SUZ12: variants seen among roughly 807,000 people sequenced by gnomAD.
SUZ12 encodes SUZ12 polycomb repressive complex 2 subunit.
A neutral mutation model predicts 87.3 loss-of-function variants in SUZ12; 17 were observed. That is an observed-to-expected ratio of 0.19 (90% CI 0.13 to 0.29). The LOEUF (loss-of-function observed/expected upper bound fraction) is 0.29, where lower values mean the gene tolerates loss of function less well. Ranked by LOEUF, SUZ12 falls within the 10% of genes least tolerant of loss-of-function variation. SUZ12 has a pLI of 1.00. For synonymous variants in SUZ12, 253 were observed against 312.4 expected (o/e 0.81, Z 2.01); for missense variants, 526 against 912.2 (o/e 0.58, Z 5.45).
Position 31,937,507 on chromosome 17 carries a change from C to T in SUZ12, c.261C>T (p.Leu87=), listed in dbSNP as rs1216434263. 9.1e-6 allele frequency: 14 copies of T among 1,540,526 alleles called. No homozygotes were observed. The East Asian group carries it at 3.2e-4, about 35-fold the overall frequency. Residue 87 remains leucine (L), a synonymous_variant, in exon 1 of 16, where the codon CTC becomes CTT. Coordinates refer to ENST00000322652, the MANE Select transcript of SUZ12 (RefSeq NM_015355.4). ...TCCAGGCTGACCACGAGCTTTTCCT[C>T]CAGGCCTTTGAGAGTGAGTGTGTGC... is the stretch of plus-strand genomic sequence containing the variant. ...EHVQADHELF[L]QAFEKPTQIY...
In SUZ12 at chr17:31,988,470, G is replaced by T; in HGVS notation, c.1174G>T (p.Gly392Cys). 1 of 1,604,942 alleles carries T rather than the reference G, an allele frequency of 6.2e-7. No individual in the cohort carries two copies. The highest frequency in any genetic ancestry group is 8.5e-7 in the Non-Finnish European group (1 of 1,177,626). ...SESLHQENKP[G>C]SVKPTQTIAV... ...GAGTCTCCATCAGGAAAACAAGCCT[G>T]GTTCAGTTAAACCTACTCAAACTAT... Residue 392 changes from glycine to cysteine, a missense_variant, in exon 10 of 16, where the codon GGT (glycine) becomes TGT (cysteine). By Grantham distance (159) the Gly-to-Cys change is radical (BLOSUM62 -3). This residue lies in a region of SUZ12 where 85 missense variants were observed against 87.4 expected (regional missense o/e 0.97). Coordinates refer to ENST00000322652, the MANE Select transcript of SUZ12 (RefSeq NM_015355.4).
chr17:31,997,336 A>C (rs1193352421), intron 15 of SUZ12, among the ~76,000 whole-genome samples: 2 of 152,164 alleles, frequency 1.3e-5, no homozygotes, highest in Non-Finnish European at 1.5e-5. Context: ...CCATGCTTGC[A>C]AACTCTATCA....
intron 4 of SUZ12, among the ~76,000 whole-genome samples, chr17:31,957,964 G>A (rs1213840246): frequency 7.0e-6 from 1 of 142,298 alleles, no homozygotes; most frequent in African/African-American, 2.6e-5. Flanking sequence ...GTTCAGTGGC[G>A]CAATCTCCGC....
intron 4 of SUZ12, among the ~76,000 whole-genome samples, chr17:31,958,911 G>A (rs1183594460): frequency 1.3e-5 from 2 of 152,080 alleles, no homozygotes; most frequent in Non-Finnish European, 2.9e-5. Flanking sequence ...TCATCTACTC[G>A]GGAGGCTGAG....
At chr17:31,989,247 A>G (rs1909573701) in intron 10 of SUZ12, among the ~76,000 whole-genome samples, 1 of 152,012 alleles carries the variant, frequency 6.6e-6, no homozygotes, top group South Asian at 2.1e-4. Context: ...CTTTCAGAAT[A>G]TTATCTGGCT....
intron 9 of SUZ12, among the ~76,000 whole-genome samples, chr17:31,986,805 C>G (rs537032571): frequency 3.9e-5 from 6 of 152,152 alleles, no homozygotes; most frequent in Admixed American, 2.0e-4. Flanking sequence ...CCTCCTCGGC[C>G]TCCCAAAGTG....
intron 3 of SUZ12, among the ~76,000 whole-genome samples, chr17:31,942,359 G>C (rs1387148109): frequency 2.0e-5 from 3 of 150,774 alleles, no homozygotes; most frequent in African/African-American, 4.9e-5. Flanking sequence ...TTTTGAGACA[G>C]AGTTTCACTC....
intron 3 of SUZ12, among the ~76,000 whole-genome samples, chr17:31,942,774 A>C (rs1457135031): frequency 6.6e-6 from 1 of 152,226 alleles, no homozygotes; most frequent in Non-Finnish European, 1.5e-5. Context: ...GCTGTGTAAC[A>C]TTTAGTACTT....
At chr17:31,984,796 G>C (rs1188354572) in intron 9 of SUZ12, among the ~76,000 whole-genome samples, 1 of 152,192 alleles carries the variant, frequency 6.6e-6, no homozygotes, top group Non-Finnish European at 1.5e-5. Context: ...AAGATTAAAA[G>C]TTTGACAGTT....
chr17:31,975,380 G>A (rs1908682758), intron 6 of SUZ12, 102 bp from the exon 7 acceptor site: 3 of 750,282 alleles, frequency 4.0e-6, no homozygotes, highest in Non-Finnish European at 6.1e-6. Context: ...TGGTGATCAT[G>A]GCCTATCTCC....
At chr17:31,952,533 G>A (rs1314200559) in intron 4 of SUZ12, among the ~76,000 whole-genome samples, 2 of 152,092 alleles carry the variant, frequency 1.3e-5, no homozygotes, top group Non-Finnish European at 2.9e-5. Flanking sequence ...GGATTCTTAT[G>A]CTGTCCTACC....
chr17:31,994,753 AG>A (rs1252337553), intron 13 of SUZ12, 32 bp downstream of exon 13: 2 of 1,597,592 alleles, frequency 1.3e-6, no homozygotes, highest in South Asian at 2.3e-5. Flanking sequence ...GAAAAGTTTA[AG>A]CTCTGATTTT....
At chr17:31,964,306 T>C (rs1313892174) in intron 4 of SUZ12, among the ~76,000 whole-genome samples, 1 of 151,660 alleles carries the variant, frequency 6.6e-6, no homozygotes, top group Non-Finnish European at 1.5e-5. Context: ...ATTACAGTTG[T>C]GAGCCACCGC....
intron 4 of SUZ12, among the ~76,000 whole-genome samples, chr17:31,949,825 A>T (rs1484086336): frequency 6.6e-6 from 1 of 151,000 alleles, no homozygotes; most frequent in Admixed American, 6.6e-5. Flanking sequence ...CTGGGAATAC[A>T]GACGTGCACC....
intron 5 of SUZ12, chr17:31,967,395 TC>T: frequency 6.6e-6 from 1 of 152,180 alleles, no homozygotes; most frequent in Non-Finnish European, 1.5e-5. Context: ...ACGCCTGTAA[TC>T]CCAGCACTTT....
At chr17:31,954,745 T>C (rs1292357317) in intron 4 of SUZ12, among the ~76,000 whole-genome samples, 1 of 152,108 alleles carries the variant, frequency 6.6e-6, no homozygotes, top group Non-Finnish European at 1.5e-5. Flanking sequence ...AGAAATAAGC[T>C]GAGATTTGAA....
chr17:31,952,564 TTTG>T (rs1300588523), intron 4 of SUZ12, among the ~76,000 whole-genome samples: 1 of 152,138 alleles, frequency 6.6e-6, no homozygotes, highest in East Asian at 1.9e-4. Context: ...TTATCTTTTT[TTTG>T]TTGCTGTTTT....
At chr17:31,952,994 C>T (rs1400353500) in intron 4 of SUZ12, among the ~76,000 whole-genome samples, 1 of 152,164 alleles carries the variant, frequency 6.6e-6, no homozygotes, top group African/African-American at 2.4e-5. Context: ...AGCAAAATGT[C>T]ACTTCTCTCT....
intron 1 of SUZ12, among the ~76,000 whole-genome samples, chr17:31,938,955 T>G (rs1239644353): frequency 1.3e-5 from 2 of 152,206 alleles, no homozygotes; most frequent in Non-Finnish European, 2.9e-5. Context: ...ATTCACATAG[T>G]TATTTCTATT....
Sources: allele counts gnomAD v4.1 joint callset (sites outside exome capture counted in the v4.1 genomes callset), GRCh38; gene constraint gnomAD v4.1.1; regional missense constraint gnomAD v4.1.1; transcripts MANE v1.5; gene names NCBI Gene and HGNC (gene_info 2026-07-23, HGNC 2026-07-21).